The following SMARCC1 variants were observed in gnomAD, a reference collection of about 807,000 sequenced individuals.
The protein encoded by SMARCC1 is SWI/SNF complex subunit SMARCC1.
Under a neutral mutation model 147.4 loss-of-function variants are expected in SMARCC1, and 43 were observed. The observed-to-expected ratio is 0.29, with a 90% CI of 0.23 to 0.38. The LOEUF (loss-of-function observed/expected upper bound fraction) is 0.38, where lower values mean the gene tolerates loss of function less well. SMARCC1 is among the 10% of genes least tolerant of loss of function. The pLI, the probability that SMARCC1 is intolerant of heterozygous loss-of-function variation, is 1.00. For missense variants in SMARCC1, 1,119 were observed against 1,381.1 expected, an observed-to-expected ratio of 0.81 and a Z score of 3.01; for synonymous variants, 495 against 484.4, an observed-to-expected ratio of 1.02 and a Z score of -0.29.
chr3:47,667,099 C>T (rs188347911), intron 19 of SMARCC1, among the ~76,000 whole-genome samples: 4 of 152,170 alleles, frequency 2.6e-5, no homozygotes, highest in East Asian at 1.9e-4. Context: ...GGGCCGATCA[C>T]GAGGTCAGGA....
chr3:47,667,127 C>T (rs983414399), intron 19 of SMARCC1, among the ~76,000 whole-genome samples: 1 of 151,978 alleles, frequency 6.6e-6, no homozygotes, highest in South Asian at 2.1e-4. Flanking sequence ...ACCATCCTGG[C>T]TAACATGGTG....
At position 47,711,396 on chromosome 3, in the gene SMARCC1, A is replaced by C. The variant is rs568939473; in HGVS notation, c.793-588T>G. On this transcript the variant is annotated intron_variant, in intron 8 of 27. Transcript: ENST00000254480. ...CAAATGTAGATGTATATATACATATAGATAGATACTTAAACCACAGGCCTA... is the reference window on the plus strand; with the variant it reads ...CAAATGTAGATGTATATATACATATCGATAGATACTTAAACCACAGGCCTA... Among the ~76,000 whole-genome samples, 75 of 152,358 alleles carry C rather than the reference A, an allele frequency of 4.9e-4. 1 individual carries two copies. In the South Asian group the frequency reaches 0.015, roughly 30 times the overall value.
chr3:47,744,217 C>T (rs924443397), intron 3 of SMARCC1, among the ~76,000 whole-genome samples: 2 of 152,142 alleles, frequency 1.3e-5, no homozygotes, highest in African/African-American at 4.8e-5. Context: ...TCTCAGCTCA[C>T]TGCAACCTCC....
In SMARCC1 at chr3:47,622,214, T is replaced by C; in HGVS notation, c.2774A>G (p.Lys925Arg). 6.3e-7 allele frequency: 1 copy of C among 1,599,658 alleles called. No homozygotes were observed. Among genetic ancestry groups the C allele is most frequent in the Non-Finnish European group, 8.5e-7 (1 of 1,176,716 alleles). ...EELETIMDRE[K>R]EALEQQRQQL... ...AAAATTCCAAATACTTACAGCTTCT[T>C]TCTCTCTGTCCATGATAGTTTCCAG... Residue 925 changes from lysine (K) to arginine (R), a missense_variant, in exon 25 of 28, where the codon AAA (lysine) becomes AGA (arginine). Coordinates refer to ENST00000254480, the MANE Select transcript of SMARCC1 (RefSeq NM_003074.4).
intron 26 of SMARCC1, among the ~76,000 whole-genome samples, chr3:47,608,556 A>C (rs939029510): frequency 2.0e-5 from 3 of 152,160 alleles, no homozygotes; most frequent in Non-Finnish European, 4.4e-5. Context: ...CTCATAAGTG[A>C]ATCTTGTCTG....
intron 12 of SMARCC1, 137 bp from the exon 13 acceptor site, chr3:47,689,561 T>C: frequency 1.5e-6 from 1 of 688,784 alleles, no homozygotes; most frequent in Non-Finnish European, 2.6e-6. Flanking sequence ...AAAATCACTC[T>C]GAATAATTCA....
chr3:47,609,243 T>G (rs938979998), intron 26 of SMARCC1, among the ~76,000 whole-genome samples: 1 of 152,174 alleles, frequency 6.6e-6, no homozygotes, highest in Admixed American at 6.5e-5. Context: ...ACGCCTATAA[T>G]CCCAGCACTT....
intron 3 of SMARCC1, among the ~76,000 whole-genome samples, chr3:47,744,349 T>C (rs959678076): frequency 1.3e-5 from 2 of 152,144 alleles, no homozygotes; most frequent in African/African-American, 4.8e-5. Flanking sequence ...TTCGCCATGA[T>C]GGCCAGTCTG....
At chr3:47,674,771 G>A (rs1316287867) in intron 18 of SMARCC1, among the ~76,000 whole-genome samples, 1 of 151,552 alleles carries the variant, frequency 6.6e-6, no homozygotes, top group Non-Finnish European at 1.5e-5. Flanking sequence ...TTTGTGAGTT[G>A]GTATCTTTTT....
At chr3:47,724,952 G>A (rs1345492306) in intron 6 of SMARCC1, among the ~76,000 whole-genome samples, 1 of 149,732 alleles carries the variant, frequency 6.7e-6, no homozygotes, top group African/African-American at 2.5e-5. Context: ...TTGGGAGGCT[G>A]GGGTGGGAGG....
At chr3:47,781,291 C>G (rs1233289163) in intron 1 of SMARCC1, among the ~76,000 whole-genome samples, 2 of 152,212 alleles carry the variant, frequency 1.3e-5, no homozygotes, top group Admixed American at 6.5e-5. Flanking sequence ...TGTTCACACA[C>G]CTAAGGCAGC....
At position 47,678,189 on chromosome 3, in the gene SMARCC1, A is replaced by G; in HGVS notation, c.1571+9T>C. The G allele has an allele frequency of 6.7e-7, 1 of 1,503,498 alleles. No individual in the cohort carries two copies. Among genetic ancestry groups the G allele is most frequent in the Non-Finnish European group, 9.1e-7 (1 of 1,097,152 alleles). The allele number at this position is 1,503,498 out of a possible 1,614,324, so 93.1% of individuals were successfully genotyped here. On this transcript the variant is annotated intron_variant, in intron 16 of 27. Coordinates refer to ENST00000254480, the MANE Select transcript of SMARCC1 (RefSeq NM_003074.4). ...AGTTAAATGTCTCAGAAAAAGTCAA[A>G]CAGTTTACCTCATCACAGCACACAC...
intron 7 of SMARCC1, among the ~76,000 whole-genome samples, chr3:47,718,979 C>T (rs2034196437): frequency 6.6e-6 from 1 of 152,286 alleles, no homozygotes; most frequent in Admixed American, 6.5e-5. Flanking sequence ...GTGGCGCAAT[C>T]TCGGCTCACG....
At chr3:47,693,636 T>G (rs1164582782) in intron 11 of SMARCC1, among the ~76,000 whole-genome samples, 1 of 152,156 alleles carries the variant, frequency 6.6e-6, no homozygotes, top group Non-Finnish European at 1.5e-5. Flanking sequence ...CATTCATTCT[T>G]TTAAAAAAAA....
intron 26 of SMARCC1, among the ~76,000 whole-genome samples, chr3:47,593,321 G>A (rs993833066): frequency 4.0e-5 from 6 of 151,596 alleles, no homozygotes; most frequent in South Asian, 4.2e-4. Flanking sequence ...ACAGGTGTGC[G>A]CCACCATACC....
chr3:47,594,467 C>T (rs1306437983), intron 26 of SMARCC1, among the ~76,000 whole-genome samples: 1 of 152,094 alleles, frequency 6.6e-6, no homozygotes, highest in Non-Finnish European at 1.5e-5. Flanking sequence ...GTGCTTGTGC[C>T]GTGTATCTAG....
At chr3:47,593,251 A>C (rs2032215406) in intron 26 of SMARCC1, among the ~76,000 whole-genome samples, 1 of 151,502 alleles carries the variant, frequency 6.6e-6, no homozygotes, top group African/African-American at 2.4e-5. Flanking sequence ...GGCTCACTGC[A>C]ACCTCCGCCT....
At chr3:47,729,147 A>G (rs1044649610) in intron 5 of SMARCC1, 53 bp from the exon 6 acceptor site, 5 of 1,091,424 alleles carry the variant, frequency 4.6e-6, no homozygotes, top group African/African-American at 3.1e-5. Context: ...GCAATGAACT[A>G]TGAGATTCCA....
intron 21 of SMARCC1, among the ~76,000 whole-genome samples, chr3:47,640,889 C>T (rs923834608): frequency 6.6e-6 from 1 of 151,996 alleles, no homozygotes; most frequent in Non-Finnish European, 1.5e-5. Flanking sequence ...AAAATCTATA[C>T]TAGACAGAGT....
Sources: allele counts gnomAD v4.1 joint callset (sites outside exome capture counted in the v4.1 genomes callset), GRCh38; gene constraint gnomAD v4.1.1; transcripts MANE v1.5; gene names NCBI Gene and HGNC (gene_info 2026-07-23, HGNC 2026-07-21).